The following PCCB variants were observed in gnomAD, a reference collection of about 807,000 sequenced individuals.
PCCB encodes propionyl-CoA carboxylase beta chain, mitochondrial.
PCCB carries 43 observed loss-of-function variants against 60.7 expected under a neutral mutation model. The observed-to-expected ratio is 0.71, with a 90% CI of 0.55 to 0.91. The LOEUF is 0.91. Among genes scored for constraint, PCCB ranks in the 40% least tolerant of loss-of-function variants. PCCB has a pLI of 0.00. For synonymous variants in PCCB, 276 were observed against 255.9 expected (o/e 1.08, Z -0.75); for missense variants, 766 against 702.8 (o/e 1.09, Z -1.02).
intron 9 of PCCB, among the ~76,000 whole-genome samples, chr3:136,308,649 G>T (rs1934537644): frequency 6.6e-6 from 1 of 152,174 alleles, no homozygotes. Context: ...TTATTCTGAA[G>T]TGCACATGGA....
intron 6 of PCCB, among the ~76,000 whole-genome samples, 163 bp from the exon 7 acceptor site, chr3:136,293,593 A>T (rs1027333864): frequency 6.6e-6 from 1 of 152,190 alleles, no homozygotes; most frequent in African/African-American, 2.4e-5. Context: ...AGGCAGGGAA[A>T]ACTTGGGTCT....
chr3:136,324,407 G>C (rs779789458), intron 10 of PCCB, among the ~76,000 whole-genome samples: 2 of 152,164 alleles, frequency 1.3e-5, no homozygotes, highest in Non-Finnish European at 2.9e-5. Context: ...TCAGCTCAAG[G>C]TTAAAGTTTA....
chr3:136,283,864 C>G lies in PCCB; in HGVS notation c.571C>G (p.Pro191Ala). 1.2e-6 allele frequency: 2 copies of G among 1,613,578 alleles called. No homozygotes were observed. Among genetic ancestry groups the G allele is most frequent in the South Asian group, 2.2e-5 (2 of 91,062 alleles). Residue 191 changes from proline to alanine, a missense_variant, in exon 6 of 15, where the codon CCT becomes GCT. Pro to Ala is a conservative substitution (Grantham distance 27). Coordinates refer to ENST00000251654, the MANE Select transcript of PCCB (RefSeq NM_000532.5). ...LRNVTASGVI[P>A]QISLIMGPCA... The stretch of plus-strand genomic sequence containing the variant: ...GAATGTTACGGCATCCGGAGTCATC[C>G]CTCAGATTTCTCTGATCATGGGCCC...
intron 10 of PCCB, 27 bp downstream of exon 10, chr3:136,317,091 G>A (rs938502081): frequency 1.2e-6 from 2 of 1,613,848 alleles, no homozygotes; most frequent in Admixed American, 1.7e-5. Flanking sequence ...ATAAGCCTTG[G>A]TTTTGGGGTT....
intron 5 of PCCB, among the ~76,000 whole-genome samples, chr3:136,267,218 G>A (rs1942027836): frequency 6.6e-6 from 1 of 152,094 alleles, no homozygotes; most frequent in African/African-American, 2.4e-5. Context: ...ACAGGGTCTT[G>A]CTCTGTTGCC....
intron 7 of PCCB, 54 bp from the exon 8 acceptor site, chr3:136,297,898 A>G: frequency 6.2e-7 from 1 of 1,612,464 alleles, no homozygotes; most frequent in Non-Finnish European, 8.5e-7. Flanking sequence ...TGAAGCAGCA[A>G]CTTTGGGCTG....
At chr3:136,256,446 G>C in intron 2 of PCCB, 109 bp from the exon 3 acceptor site, 1 of 788,424 alleles carries the variant, frequency 1.3e-6, no homozygotes, top group African/African-American at 1.7e-5. Context: ...TCATATTGAC[G>C]TTTTAGGAAT....
At chr3:136,275,871 A>G (rs1942320243) in intron 5 of PCCB, among the ~76,000 whole-genome samples, 1 of 152,128 alleles carries the variant, frequency 6.6e-6, no homozygotes, top group Non-Finnish European at 1.5e-5. Flanking sequence ...CCCGGGTTCA[A>G]GTGATTCTCC....
intron 2 of PCCB, chr3:136,256,232 C>T (rs1000398649): frequency 1.9e-5 from 11 of 570,396 alleles, no homozygotes; most frequent in East Asian, 9.2e-5. Flanking sequence ...CGTGAGCGAC[C>T]GTACCCTGCC....
At chr3:136,286,349 T>C (rs949410942) in intron 6 of PCCB, among the ~76,000 whole-genome samples, 3 of 152,354 alleles carry the variant, frequency 2.0e-5, no homozygotes, top group Non-Finnish European at 2.9e-5. Context: ...CTGATCCGTA[T>C]GCTGACAACT....
intron 5 of PCCB, 70 bp downstream of exon 5, chr3:136,262,135 G>C: frequency 3.1e-6 from 3 of 976,736 alleles, no homozygotes; most frequent in Non-Finnish European, 4.8e-6. Flanking sequence ...CCTGGCCAGA[G>C]CTTCTCCAAC....
intron 5 of PCCB, among the ~76,000 whole-genome samples, chr3:136,273,289 C>T (rs1942246572): frequency 6.6e-6 from 1 of 152,048 alleles, no homozygotes; most frequent in South Asian, 2.1e-4. Flanking sequence ...GTATATTCTG[C>T]AGTTGTTTGG....
intron 5 of PCCB, among the ~76,000 whole-genome samples, chr3:136,278,040 C>T (rs1174476229): frequency 6.6e-6 from 1 of 152,180 alleles, no homozygotes; most frequent in Non-Finnish European, 1.5e-5. Flanking sequence ...CGACCACTAC[C>T]TGAGCTTGTT....
chr3:136,318,139 C>A (rs1409075769), intron 10 of PCCB, among the ~76,000 whole-genome samples: 1 of 152,162 alleles, frequency 6.6e-6, no homozygotes, highest in African/African-American at 2.4e-5. Context: ...GAGTTAGAGA[C>A]CATCTTAGCC....
chr3:136,275,000 A>G (rs1428559993), intron 5 of PCCB, among the ~76,000 whole-genome samples: 1 of 151,792 alleles, frequency 6.6e-6, no homozygotes, highest in Non-Finnish European at 1.5e-5. Context: ...TTTTGTAGAG[A>G]TGGAAATTTG....
chr3:136,295,219 T>G lies in PCCB; in HGVS notation c.763+1355T>G, dbSNP rs528144586. Among the ~76,000 whole-genome samples, 8 of 152,362 alleles carry G rather than the reference T, an allele frequency of 5.3e-5. No homozygotes were observed. The South Asian group carries it at 1.7e-3, about 32-fold the overall frequency. On this transcript the variant is annotated intron_variant, in intron 7 of 14. Coordinates refer to ENST00000251654, the MANE Select transcript of PCCB (RefSeq NM_000532.5). ...GCAGTGAGAGGCTGGCATGCCTGAT[T>G]TATGCACCTCATTGTACTGTGGTTA... is the stretch of plus-strand genomic sequence containing the variant.
In PCCB at chr3:136,327,740, C is replaced by T; in HGVS notation, c.1398+8C>T. The T allele has an allele frequency of 6.2e-7, 1 of 1,604,162 alleles. No homozygotes were observed. The highest frequency in any genetic ancestry group is 8.5e-7 in the Non-Finnish European group (1 of 1,171,522). ...GCAGTCATGGGAGCAAAGGTGAGGG[C>T]CTCTTGCTTTTCCCTTTCTGGGTCC... is the stretch of plus-strand genomic sequence containing the variant. On this transcript the variant is annotated splice_region_variant and intron_variant, in intron 13 of 14. Transcript: ENST00000251654.
At chr3:136,271,463 A>T (rs1351301553) in intron 5 of PCCB, among the ~76,000 whole-genome samples, 6 of 152,164 alleles carry the variant, frequency 3.9e-5, no homozygotes, top group Non-Finnish European at 5.9e-5. Context: ...GATCGTTTTC[A>T]CAATATTGAT....
chr3:136,278,569 G>A (rs1197527677), intron 5 of PCCB, among the ~76,000 whole-genome samples: 1 of 152,024 alleles, frequency 6.6e-6, no homozygotes, highest in Non-Finnish European at 1.5e-5. Context: ...TTATTTAGAA[G>A]TGTTTTGATT....
Sources: allele counts gnomAD v4.1 joint callset (sites outside exome capture counted in the v4.1 genomes callset), GRCh38; gene constraint gnomAD v4.1.1; transcripts MANE v1.5; gene names NCBI Gene and HGNC (gene_info 2026-07-23, HGNC 2026-07-21).